LRRC58: variants seen among roughly 807,000 people sequenced by gnomAD.
LRRC58 encodes leucine-rich repeat-containing protein 58.
In LRRC58, 18 loss-of-function variants were observed where a neutral mutation model predicts 30.6. That is an observed-to-expected ratio of 0.59 (90% CI 0.41 to 0.87). The LOEUF (loss-of-function observed/expected upper bound fraction) is 0.87. Ranked by LOEUF, LRRC58 falls within the 40% of genes least tolerant of loss-of-function variation. The pLI is 0.00. For synonymous variants in LRRC58, 221 were observed against 206.0 expected (o/e 1.07, Z -0.62); for missense variants, 420 against 468.4 (o/e 0.90, Z 0.95).
Position 120,325,261 on chromosome 3 carries a change from T to C in LRRC58, c.*5939A>G, listed in dbSNP as rs1322182549. The stretch of plus-strand genomic sequence containing the variant: ...GACATAATTAACCAATTTAGTCATG[T>C]TTTTGCAATACTGCAACAGCAATGT... On this transcript the variant is annotated 3_prime_UTR_variant, in exon 4 of 4. Coordinates refer to ENST00000295628, the MANE Select transcript of LRRC58 (RefSeq NM_001099678.2). 3 of 152,164 alleles carry C rather than the reference T, an allele frequency of 2.0e-5. No individual in the cohort carries two copies. The highest frequency in any genetic ancestry group is 7.2e-5 in the African/African-American group (3 of 41,408). The allele number at this position is 152,164 out of a possible 1,614,324, so 9.4% of individuals were successfully genotyped here. A position where few individuals can be genotyped will look rare whatever the true frequency, so the allele number is the denominator to read the frequency against.
rs376772210 is a variant in LRRC58 at position 120,334,957 on chromosome 3, T to A, written c.812A>T (p.Lys271Met). 1.1e-5 allele frequency: 17 copies of A among 1,613,760 alleles called. No homozygotes were observed. In the African/African-American group the frequency reaches 1.7e-4, roughly 16 times the overall value. ...GGGAGTGTAGGAAATATTTCGAATC[T>A]TAATGGTCCGTGCAGCTAATTCCAG... is the stretch of plus-strand genomic sequence containing the variant. ...TLLELAARTI[K>M]IRNISYTPYD... The change falls in exon 3 of 4, where the codon AAG becomes ATG. Residue 271 changes from lysine to methionine, a missense_variant. This residue lies in a region of LRRC58 where 154 missense variants were observed against 216.8 expected (regional missense o/e 0.71). Coordinates refer to ENST00000295628, the MANE Select transcript of LRRC58 (RefSeq NM_001099678.2).
chr3:120,334,760 A>G, intron 3 of LRRC58, 102 bp downstream of exon 3: 1 of 1,103,106 alleles, frequency 9.1e-7, no homozygotes, highest in South Asian at 1.8e-5. Flanking sequence ...GAGTGAAAAA[A>G]TAAAGGGAAC....
rs984790729 is a variant in LRRC58 at position 120,349,115 on chromosome 3, C to A, written c.129G>T (p.Arg43=). ...EARGEERRGA[R]EALLRLLLPH... is the part of the protein sequence containing the mutation. ...GCAGCAGCAGCCGCAGCAGCGCCTCCCGCGCCCCGCGCCGCTCCTCCCCCC... is the reference window on the plus strand; with the variant it reads ...GCAGCAGCAGCCGCAGCAGCGCCTCACGCGCCCCGCGCCGCTCCTCCCCCC... Residue 43 remains arginine, a synonymous_variant, in exon 1 of 4, where the codon CGG becomes CGT. Coordinates refer to ENST00000295628, the MANE Select transcript of LRRC58 (RefSeq NM_001099678.2). The A allele has an allele frequency of 4.6e-6, 7 of 1,509,464 alleles. No individual in the cohort carries two copies. The highest frequency in any genetic ancestry group is 5.3e-6 in the Non-Finnish European group (6 of 1,137,454). 93.5% of individuals were successfully genotyped at this position (1,509,464 alleles called of 1,614,324 possible). A position where few individuals can be genotyped will look rare whatever the true frequency, so the allele number is the denominator to read the frequency against.
In LRRC58 at chr3:120,348,830, C is replaced by T; in HGVS notation, c.414G>A (p.Ser138=). The T allele has an allele frequency of 1.2e-6, 2 of 1,606,048 alleles. No individual in the cohort carries two copies. The highest frequency in any genetic ancestry group is 1.1e-5 in the South Asian group (1 of 89,264). ...SGNCFQEVPA[S]LLELRALQTL... is the part of the protein sequence containing the mutation. ...TCTGCAGCGCGCGCAGCTCTAAGAG[C>T]GAGGCAGGCACCTCCTGGAAACAGT... Residue 138 remains serine, a synonymous_variant, in exon 1 of 4, where the codon TCG becomes TCA. Transcript: ENST00000295628.
rs1034924116 is a variant in LRRC58 at position 120,335,947 on chromosome 3, C to T, written c.507G>A (p.Glu169=). 5.1e-6 allele frequency: 8 copies of T among 1,573,978 alleles called. No individual in the cohort carries two copies. Among genetic ancestry groups the T allele is most frequent in the African/African-American group, 1.4e-5 (1 of 73,636 alleles). Residue 169 remains glutamate, a synonymous_variant, in exon 2 of 4, where the codon GAG becomes GAA. Transcript: ENST00000295628. Reference sequence around the variant, plus strand: ...TGAAATTTCCTCCAAGATATAAACACTCTAAACTGCAAAAATAAATGAACA... The same window carrying T: ...TGAAATTTCCTCCAAGATATAAACATTCTAAACTGCAAAAATAAATGAACA... ...PAEIENLQSL[E]CLYLGGNFIK... is the part of the protein sequence containing the mutation.
intron 1 of LRRC58, among the ~76,000 whole-genome samples, chr3:120,345,195 G>C (rs1935953563): frequency 1.3e-5 from 2 of 152,108 alleles, no homozygotes; most frequent in African/African-American, 4.8e-5. Flanking sequence ...ATCTGGAGAG[G>C]TCAATGACAC....
intron 3 of LRRC58, among the ~76,000 whole-genome samples, chr3:120,333,599 G>T (rs1377511357): frequency 1.3e-5 from 2 of 152,216 alleles, no homozygotes; most frequent in African/African-American, 4.8e-5. Context: ...GACTGCCAGA[G>T]AAAGTCTCAC....
rs548635609 is a variant in LRRC58 at position 120,339,370 on chromosome 3, T to C, written c.501-3417A>G. On this transcript the variant is annotated intron_variant, in intron 1 of 3. Coordinates refer to ENST00000295628, the MANE Select transcript of LRRC58 (RefSeq NM_001099678.2). ...ATTTATTTTATTTCCAATCAGTACATTGATTCAGATTTATCAATATGTTTT... is the reference window on the plus strand; with the variant it reads ...ATTTATTTTATTTCCAATCAGTACACTGATTCAGATTTATCAATATGTTTT... Among the ~76,000 whole-genome samples, 4 of 152,358 alleles carry C rather than the reference T, an allele frequency of 2.6e-5. No homozygotes were observed. The South Asian group carries it at 6.2e-4, about 24-fold the overall frequency.
At position 120,349,308 on chromosome 3, in the gene LRRC58, G is replaced by A. The variant is rs10048964; in HGVS notation, c.-65C>T. On this transcript the variant is annotated 5_prime_UTR_variant, in exon 1 of 4. Transcript: ENST00000295628. ...GCGCCGCGCGCGGTCCAGAGGCCGG[G>A]AGCTCTGCGGCGCCCCGGAACCTGA... The A allele has an allele frequency of 1.5e-6, 2 of 1,326,526 alleles. No homozygotes were observed. Among genetic ancestry groups the A allele is most frequent in the Non-Finnish European group, 1.9e-6 (2 of 1,041,416 alleles). 82.2% of individuals were successfully genotyped at this position (1,326,526 alleles called of 1,614,324 possible). A position where few individuals can be genotyped will look rare whatever the true frequency, so the allele number is the denominator to read the frequency against.
In LRRC58 at chr3:120,349,354, T is replaced by C; in HGVS notation, c.-111A>G. The C allele has an allele frequency of 1.7e-6, 2 of 1,172,736 alleles. No homozygotes were observed. Among genetic ancestry groups the C allele is most frequent in the South Asian group, 2.5e-5 (1 of 40,154 alleles). 72.6% of individuals were successfully genotyped at this position (1,172,736 alleles called of 1,614,324 possible). On this transcript the variant is annotated 5_prime_UTR_variant, in exon 1 of 4. Coordinates refer to ENST00000295628, the MANE Select transcript of LRRC58 (RefSeq NM_001099678.2). Reference sequence around the variant, plus strand: ...CCTGAACCGAGGGCTGAGTCGGAAGTGGCGCGGGCGGGCGCAAACCCTGCG... The same window carrying C: ...CCTGAACCGAGGGCTGAGTCGGAAGCGGCGCGGGCGGGCGCAAACCCTGCG...
intron 1 of LRRC58, among the ~76,000 whole-genome samples, chr3:120,348,101 ATTAAC>A (rs1935997666): frequency 6.6e-6 from 1 of 152,226 alleles, no homozygotes; most frequent in Non-Finnish European, 1.5e-5. Context: ...CACAGAGATG[ATTAAC>A]TTGAGATAGC....
At chr3:120,342,187 C>T (rs929488037) in intron 1 of LRRC58, among the ~76,000 whole-genome samples, 2 of 152,160 alleles carry the variant, frequency 1.3e-5, no homozygotes, top group African/African-American at 4.8e-5. Context: ...GAGGGTGGGT[C>T]CCCAGTAAGG....
At position 120,334,995 on chromosome 3, in the gene LRRC58, A is replaced by ATCATAGGT. The variant is rs781619275; in HGVS notation, c.766_773dup (p.Asp258GlufsTer11). 5 of 1,613,814 alleles carry ATCATAGGT rather than the reference A, an allele frequency of 3.1e-6. No homozygotes were observed. The South Asian group carries it at 5.5e-5, about 18-fold the overall frequency. On this transcript the variant is annotated frameshift_variant, in exon 3 of 4. Transcript: ENST00000295628. LOFTEE classifies it high-confidence loss of function. Reference sequence around the variant, plus strand: ...CAGCTAATTCCAGGAGAGTTGGAGGATCATAGGTTAAATCTCTAACAAAAC... The same window carrying ATCATAGGT: ...CAGCTAATTCCAGGAGAGTTGGAGGATCATAGGTTCATAGGTTAAATCTCTAACAAAAC...
chr3:120,347,528 A>G (rs1242941140), intron 1 of LRRC58, among the ~76,000 whole-genome samples: 1 of 149,978 alleles, frequency 6.7e-6, no homozygotes, highest in Non-Finnish European at 1.5e-5. Flanking sequence ...AGTAGCTGGG[A>G]CTACAGGCGC....
chr3:120,342,418 C>T (rs1174975914), intron 1 of LRRC58, among the ~76,000 whole-genome samples: 2 of 152,212 alleles, frequency 1.3e-5, no homozygotes, highest in African/African-American at 4.8e-5. Flanking sequence ...GGGTGACCAG[C>T]TGCAGAGAGG....
chr3:120,338,726 A>C (rs1703379015), intron 1 of LRRC58, among the ~76,000 whole-genome samples: 1 of 152,252 alleles, frequency 6.6e-6, no homozygotes, highest in Non-Finnish European at 1.5e-5. Context: ...GTGGTCATCA[A>C]AGAGATCAGA....
intron 3 of LRRC58, among the ~76,000 whole-genome samples, chr3:120,333,402 AAT>A (rs951649141): frequency 5.3e-5 from 8 of 152,222 alleles, no homozygotes; most frequent in Non-Finnish European, 8.8e-5. Flanking sequence ...TGTGAAAGCT[AAT>A]TTAGGAATGG....
rs535763077 is a variant in LRRC58 at position 120,341,966 on chromosome 3, G to A, written c.501-6013C>T. On this transcript the variant is annotated intron_variant, in intron 1 of 3. Coordinates refer to ENST00000295628, the MANE Select transcript of LRRC58 (RefSeq NM_001099678.2). Reference sequence around the variant, plus strand: ...TGCCTTCCCGCGAGCAGCTGCAGCCGTCCTCCCAGGTGCAGGAGCTGGGTA... The same window carrying A: ...TGCCTTCCCGCGAGCAGCTGCAGCCATCCTCCCAGGTGCAGGAGCTGGGTA... 1.3e-4 allele frequency among the ~76,000 whole-genome samples: 20 copies of A among 152,182 alleles called. No homozygotes were observed. In the South Asian group the frequency reaches 2.3e-3, roughly 17 times the overall value.
rs147273668 is a variant in LRRC58 at position 120,347,142 on chromosome 3, G to C, written c.500+1602C>G. Among the ~76,000 whole-genome samples the C allele has an allele frequency of 3.7e-3, 569 of 152,274 alleles. 2 individuals carry two copies. Among genetic ancestry groups the C allele is most frequent in the African/African-American group, 0.013 (541 of 41,552 alleles). ...AATTAAATAATGAGGTTCATAGTTA[G>C]TTGTTTAATGTCTGTCTCCTGGATC... On this transcript the variant is annotated intron_variant, in intron 1 of 3. Transcript: ENST00000295628.
Sources: gnomAD v4.1 joint callset for allele counts (sites outside exome capture counted in the v4.1 genomes callset) on GRCh38, gnomAD v4.1.1 for gene constraint, gnomAD v4.1.1 regional missense constraint, MANE v1.5 for transcripts, NCBI Gene and HGNC (gene_info 2026-07-23, HGNC 2026-07-21) for gene names.